MICAL2: variants seen among roughly 807,000 people sequenced by gnomAD.
MICAL2 encodes the protein [F-actin]-monooxygenase MICAL2.
MICAL2 carries 77 observed loss-of-function variants against 127.3 expected under a neutral mutation model. The observed-to-expected ratio is 0.60, with a 90% CI of 0.50 to 0.73. The LOEUF (loss-of-function observed/expected upper bound fraction) is 0.73. Ranked by LOEUF, MICAL2 falls within the 30% of genes least tolerant of loss-of-function variation. The pLI, the probability that MICAL2 is intolerant of heterozygous loss-of-function variation, is 0.00. For synonymous variants in MICAL2, 570 were observed against 551.1 expected (o/e 1.03, Z -0.48); for missense variants, 1,351 against 1,434.4 (o/e 0.94, Z 0.94).
intron 21 of MICAL2, among the ~76,000 whole-genome samples, chr11:12,244,444 T>A (rs531277364): frequency 6.6e-6 from 1 of 152,340 alleles, no homozygotes; most frequent in East Asian, 1.9e-4. Context: ...AATAGCACAT[T>A]AGCATAGAAA....
chr11:12,265,049 G>A (rs560062805), downstream of MICAL2, among the ~76,000 whole-genome samples: 266 of 152,266 alleles, frequency 1.7e-3, 3 homozygotes, highest in African/African-American at 6.1e-3. Context: ...GACAAAAATC[G>A]TCACTTTATT....
At chr11:12,277,834 G>A (rs1033561187) in intron 1 of MICAL2, among the ~76,000 whole-genome samples, 11 of 152,140 alleles carry the variant, frequency 7.2e-5, no homozygotes, top group Non-Finnish European at 4.4e-5. Flanking sequence ...AACCTAGATG[G>A]GCAAGCTCAC....
intron 2 of MICAL2, among the ~76,000 whole-genome samples, chr11:12,157,983 T>G (rs906251732): frequency 3.3e-5 from 5 of 152,208 alleles, no homozygotes; most frequent in African/African-American, 1.2e-4. Context: ...GAAGTGAGTT[T>G]GAACTCAGAC....
chr11:12,355,226 C>G (rs1215357364), intron 34 of MICAL2, among the ~76,000 whole-genome samples: 1 of 152,210 alleles, frequency 6.6e-6, no homozygotes, highest in African/African-American at 2.4e-5. Context: ...CTAACACCCC[C>G]AGTTCCGTAA....
At chr11:12,139,852 C>G (rs1320234590) in intron 2 of MICAL2, among the ~76,000 whole-genome samples, 1 of 152,040 alleles carries the variant, frequency 6.6e-6, no homozygotes, top group Non-Finnish European at 1.5e-5. Flanking sequence ...AATCCTATTG[C>G]CCTCAAATGA....
At chr11:12,170,365 A>C (rs112783089) in intron 3 of MICAL2, among the ~76,000 whole-genome samples, 3,579 of 152,076 alleles carry the variant, frequency 0.024, 65 homozygotes, top group Non-Finnish European at 0.035. Flanking sequence ...GGGGAGGCTG[A>C]CTTGAGCCTG....
At chr11:12,241,298 C>T (rs867805995) in intron 18 of MICAL2, 136 bp downstream of exon 18, 2 of 1,107,088 alleles carry the variant, frequency 1.8e-6, no homozygotes, top group South Asian at 3.2e-5. Context: ...GATGTCACCA[C>T]ACTTATAGGT....
chr11:12,248,613 A>AT (rs1861096578), intron 21 of MICAL2, among the ~76,000 whole-genome samples: 1 of 152,236 alleles, frequency 6.6e-6, no homozygotes, highest in Non-Finnish European at 1.5e-5. Flanking sequence ...AGCACTGAGC[A>AT]TTGCAAAAGG....
intron 3 of MICAL2, among the ~76,000 whole-genome samples, chr11:12,193,255 G>A (rs973052214): frequency 3.3e-5 from 5 of 152,252 alleles, no homozygotes; most frequent in Admixed American, 6.5e-5. Context: ...GGACATAGCA[G>A]CCGGTCCAGA....
chr11:12,122,650 C>T (rs534154154), intron 1 of MICAL2, among the ~76,000 whole-genome samples: 7 of 152,148 alleles, frequency 4.6e-5, no homozygotes, highest in Non-Finnish European at 1.0e-4. Flanking sequence ...CTCAAGTGAT[C>T]TGCCTGCCTC....
chr11:12,207,944 C>T, intron 4 of MICAL2, 79 bp from the exon 5 acceptor site: 1 of 1,084,132 alleles, frequency 9.2e-7, no homozygotes. Context: ...CACTGAGCGG[C>T]AGTGATTATG....
intron 24 of MICAL2, among the ~76,000 whole-genome samples, chr11:12,257,808 G>A (rs1227164775): frequency 6.6e-6 from 1 of 152,124 alleles, no homozygotes; most frequent in Non-Finnish European, 1.5e-5. Flanking sequence ...TATTGCTATT[G>A]TTACCAGTGC....
At chr11:12,317,625 C>T (rs1303967787) in intron 29 of MICAL2, among the ~76,000 whole-genome samples, 1 of 152,104 alleles carries the variant, frequency 6.6e-6, no homozygotes, top group Non-Finnish European at 1.5e-5. Context: ...AACTCCATCT[C>T]TGTTAAAAAT....
At chr11:12,248,816 T>C (rs954534320) in intron 21 of MICAL2, among the ~76,000 whole-genome samples, 5 of 61,666 alleles carry the variant, frequency 8.1e-5, no homozygotes, top group East Asian at 5.5e-4. Context: ...TGTTCCTCCT[T>C]CTATCCTGGG....
Position 12,185,261 on chromosome 11 carries a change from G to A in MICAL2, c.265-18989G>A, listed in dbSNP as rs115652525. On this transcript the variant is annotated intron_variant, in intron 3 of 27. Coordinates refer to ENST00000683283, the MANE Select transcript of MICAL2 (RefSeq NM_001282663.2). ...GGTAAGTAGATGGGTGGATGAATGG[G>A]TGGAGTCATGACTGCACTCTTCTAG... Among the ~76,000 whole-genome samples the A allele has an allele frequency of 4.4e-3, 662 of 151,346 alleles. 5 individuals are homozygous for A. Among genetic ancestry groups the A allele is most frequent in the African/African-American group, 0.015 (634 of 41,134 alleles).
chr11:12,339,444 A>G (rs1019910419), intron 32 of MICAL2, among the ~76,000 whole-genome samples: 4 of 151,818 alleles, frequency 2.6e-5, no homozygotes, highest in Admixed American at 2.0e-4. Context: ...CCTTCTCTCA[A>G]CTCATCAAAG....
At chr11:12,132,449 G>C (rs1851498590) in intron 1 of MICAL2, among the ~76,000 whole-genome samples, 1 of 152,196 alleles carries the variant, frequency 6.6e-6, no homozygotes, top group Admixed American at 6.5e-5. Context: ...AAATGAGCCG[G>C]TTCCTTTTTA....
intron 30 of MICAL2, among the ~76,000 whole-genome samples, chr11:12,321,652 T>TGA (rs1565304716): frequency 7.2e-5 from 11 of 151,754 alleles, no homozygotes; most frequent in African/African-American, 2.4e-4. Context: ...TGTAAGGCTG[T>TGA]GTGTTTATTA....
intron 29 of MICAL2, among the ~76,000 whole-genome samples, chr11:12,300,245 G>A (rs1197257499): frequency 1.3e-5 from 2 of 152,108 alleles, no homozygotes; most frequent in African/African-American, 4.8e-5. Context: ...AGTGAGCTGA[G>A]ATCACATCAT....
Sources: allele counts gnomAD v4.1 joint callset (sites outside exome capture counted in the v4.1 genomes callset), GRCh38; gene constraint gnomAD v4.1.1; transcripts MANE v1.5; gene names NCBI Gene and HGNC (gene_info 2026-07-23, HGNC 2026-07-21).